The following MEMO1 variants were observed in gnomAD, a reference collection of about 807,000 sequenced individuals.
MEMO1 encodes the protein mediator of cell motility 1.
In MEMO1, 6 loss-of-function variants were observed where a neutral mutation model predicts 45.2. The observed-to-expected ratio is 0.13, with a 90% CI of 0.07 to 0.26. The LOEUF is 0.26. MEMO1 is among the 10% of genes least tolerant of loss of function. MEMO1 has a pLI of 1.00. For synonymous variants in MEMO1, 78 were observed against 124.3 expected, an observed-to-expected ratio of 0.63 and a Z score of 2.48; for missense variants, 184 against 370.5, an observed-to-expected ratio of 0.50 and a Z score of 4.13.
chr2:31,962,964 C>T (rs1283632555), intron 2 of MEMO1, among the ~76,000 whole-genome samples: 1 of 152,214 alleles, frequency 6.6e-6, no homozygotes, highest in African/African-American at 2.4e-5. Context: ...CTGCCTAAAA[C>T]AAAAAGGTTG....
chr2:31,881,183 T>A (rs539067092), intron 8 of MEMO1, among the ~76,000 whole-genome samples: 1 of 152,090 alleles, frequency 6.6e-6, no homozygotes, highest in East Asian at 1.9e-4. Flanking sequence ...AACAACGAAT[T>A]GAAATTCCTT....
At chr2:31,936,504 G>C (rs569927163) in intron 3 of MEMO1, among the ~76,000 whole-genome samples, 1 of 152,302 alleles carries the variant, frequency 6.6e-6, no homozygotes, top group South Asian at 2.1e-4. Context: ...ACGTCGGCAA[G>C]TCTAGTTCCT....
At chr2:31,970,868 G>T (rs1669312709) in intron 2 of MEMO1, among the ~76,000 whole-genome samples, 1 of 152,152 alleles carries the variant, frequency 6.6e-6, no homozygotes, top group Non-Finnish European at 1.5e-5. Flanking sequence ...GCTGGACATG[G>T]TGGCAGGCAC....
intron 6 of MEMO1, among the ~76,000 whole-genome samples, chr2:31,894,922 T>A (rs1401540639): frequency 6.6e-6 from 1 of 152,194 alleles, no homozygotes; most frequent in African/African-American, 2.4e-5. Context: ...GGTGAAAGTC[T>A]TTCTGGCTCA....
chr2:31,881,367 C>A (rs1345589492), intron 8 of MEMO1, among the ~76,000 whole-genome samples: 1 of 151,322 alleles, frequency 6.6e-6, no homozygotes, highest in Non-Finnish European at 1.5e-5. Flanking sequence ...TGGTGGTATG[C>A]ATCTGTGCTC....
intron 2 of MEMO1, among the ~76,000 whole-genome samples, chr2:31,969,157 A>AT (rs1668978472): frequency 6.6e-6 from 1 of 151,834 alleles, no homozygotes; most frequent in Non-Finnish European, 1.5e-5. Flanking sequence ...AAGTAAGACT[A>AT]TATTAAATAC....
intron 2 of MEMO1, among the ~76,000 whole-genome samples, chr2:31,967,510 A>C (rs1459195626): frequency 6.6e-6 from 1 of 152,124 alleles, no homozygotes; most frequent in Non-Finnish European, 1.5e-5. Context: ...GTGCAGTGGC[A>C]TAATTATGAC....
intron 2 of MEMO1, among the ~76,000 whole-genome samples, chr2:32,006,528 T>C (rs1007533696): frequency 2.0e-5 from 3 of 152,110 alleles, no homozygotes; most frequent in South Asian, 4.1e-4. Flanking sequence ...CATTTCATGT[T>C]TTTGTTTGTT....
At chr2:31,885,107 T>C (rs1675990505) in intron 7 of MEMO1, among the ~76,000 whole-genome samples, 1 of 152,176 alleles carries the variant, frequency 6.6e-6, no homozygotes, top group African/African-American at 2.4e-5. Flanking sequence ...AACTATATAA[T>C]TGACACTATT....
intron 3 of MEMO1, among the ~76,000 whole-genome samples, chr2:31,933,633 G>GA (rs1664568901): frequency 6.6e-6 from 1 of 151,828 alleles, no homozygotes; most frequent in Non-Finnish European, 1.5e-5. Flanking sequence ...TGGAGAAAAT[G>GA]AGACTCACAG....
At chr2:31,949,402 A>G (rs1171740712) in intron 2 of MEMO1, among the ~76,000 whole-genome samples, 1 of 152,224 alleles carries the variant, frequency 6.6e-6, no homozygotes, top group Non-Finnish European at 1.5e-5. Context: ...ACAGTGGTAC[A>G]TACACATAAG....
intron 6 of MEMO1, 136 bp from the exon 7 acceptor site, chr2:31,892,270 T>C: frequency 1.3e-6 from 1 of 741,886 alleles, no homozygotes. Flanking sequence ...TGATGAATTC[T>C]TAAAATCCAT....
chr2:31,893,660 T>A (rs1459519190), intron 6 of MEMO1, among the ~76,000 whole-genome samples: 1 of 152,182 alleles, frequency 6.6e-6, no homozygotes, highest in African/African-American at 2.4e-5. Context: ...AGTTCCCGAA[T>A]TGTAAATATA....
chr2:32,007,690 C>T (rs1674276678), intron 2 of MEMO1, among the ~76,000 whole-genome samples: 1 of 152,190 alleles, frequency 6.6e-6, no homozygotes, highest in African/African-American at 2.4e-5. Context: ...ACCTCTCCAT[C>T]TCCTATTACT....
intron 4 of MEMO1, among the ~76,000 whole-genome samples, chr2:31,931,185 C>T (rs1373400028): frequency 1.3e-5 from 2 of 151,968 alleles, no homozygotes; most frequent in East Asian, 3.8e-4. Flanking sequence ...GTACAGAGAA[C>T]GCTACATAAA....
At chr2:31,953,824 T>G (rs1028532794) in intron 2 of MEMO1, among the ~76,000 whole-genome samples, 28 of 152,300 alleles carry the variant, frequency 1.8e-4, no homozygotes, top group African/African-American at 5.8e-4. Context: ...AAATGATGCA[T>G]GACAAGGCCT....
chr2:31,957,833 T>C (rs1173994891), intron 2 of MEMO1, among the ~76,000 whole-genome samples: 1 of 152,258 alleles, frequency 6.6e-6, no homozygotes, highest in Non-Finnish European at 1.5e-5. Flanking sequence ...TTAAATTGCC[T>C]TCTGAAGTAA....
In MEMO1 at chr2:31,873,743, T is replaced by C. The variant is rs150909119; in HGVS notation, c.658-3791A>G. Among the ~76,000 whole-genome samples the C allele has an allele frequency of 5.1e-3, 770 of 152,258 alleles. 5 individuals are homozygous for C. The highest frequency in any genetic ancestry group is 0.017 in the African/African-American group (709 of 41,576). The stretch of plus-strand genomic sequence containing the variant: ...TCATTAGATTTGTGGGTTTATAGTT[T>C]AAAGGATATATATTTATATTTGCAG... On this transcript the variant is annotated intron_variant, in intron 8 of 9. Coordinates refer to ENST00000404530, the MANE Select transcript of MEMO1 (RefSeq NM_001301833.4).
intron 2 of MEMO1, among the ~76,000 whole-genome samples, chr2:31,979,053 C>CT (rs1335585897): frequency 6.7e-6 from 1 of 149,250 alleles, no homozygotes; most frequent in African/African-American, 2.4e-5. Context: ...GTTTAATTGA[C>CT]TCACAGGTCC....
Sources: allele counts gnomAD v4.1 joint callset (sites outside exome capture counted in the v4.1 genomes callset), GRCh38; gene constraint gnomAD v4.1.1; transcripts MANE v1.5; gene names NCBI Gene and HGNC (gene_info 2026-07-23, HGNC 2026-07-21).